Variants in CTNNA3 observed in about 807,000 individuals in gnomAD.
CTNNA3 encodes catenin alpha 3.
A neutral mutation model predicts 95.7 loss-of-function variants in CTNNA3; 76 were observed. The observed-to-expected ratio is 0.79, with a 90% CI of 0.66 to 0.96. The LOEUF is 0.96. Ranked by LOEUF, CTNNA3 falls within the 40% of genes least tolerant of loss-of-function variation. CTNNA3 has a pLI of 0.00. For synonymous variants in CTNNA3, 431 were observed against 374.4 expected, an observed-to-expected ratio of 1.15 and a Z score of -1.74; for missense variants, 1,191 against 1,089.8, an observed-to-expected ratio of 1.09 and a Z score of -1.31.
At position 66,444,683 on chromosome 10, in the gene CTNNA3, A is replaced by G. The variant is rs186319273; in HGVS notation, c.1532-65331T>C. ...AGAGCTCCTGAAGGAAGCACTAAAC[A>G]TGGAAAGCAACAACCGGTACCAGCC... On this transcript the variant is annotated intron_variant, in intron 11 of 17. Transcript: ENST00000433211. 4.9e-3 allele frequency among the ~76,000 whole-genome samples: 752 copies of G among 152,298 alleles called. 6 individuals carry two copies. Among genetic ancestry groups the G allele is most frequent in the African/African-American group, 0.012 (500 of 41,562 alleles).
At chr10:65,933,300 T>C (rs1476583189) in intron 17 of CTNNA3, among the ~76,000 whole-genome samples, 1 of 152,182 alleles carries the variant, frequency 6.6e-6, no homozygotes, top group Non-Finnish European at 1.5e-5. Flanking sequence ...ATAGTTCAAA[T>C]ATTGAAATTA....
At chr10:66,886,090 G>A (rs73325585) in intron 7 of CTNNA3, among the ~76,000 whole-genome samples, 4,483 of 152,188 alleles carry the variant, frequency 0.029, 117 homozygotes, top group African/African-American at 0.066. Flanking sequence ...AGAACCAAAG[G>A]AGAGAAGAGA....
chr10:66,454,741 C>A (rs561380048), intron 11 of CTNNA3, among the ~76,000 whole-genome samples: 4 of 138,826 alleles, frequency 2.9e-5, no homozygotes, highest in Non-Finnish European at 6.0e-5. Flanking sequence ...CAGCATTACA[C>A]TGATATCAAA....
At chr10:66,767,598 G>T (rs1839920977) in intron 8 of CTNNA3, among the ~76,000 whole-genome samples, 1 of 151,932 alleles carries the variant, frequency 6.6e-6, no homozygotes. Flanking sequence ...CTGTCAGACA[G>T]AAAAATGTAA....
intron 11 of CTNNA3, among the ~76,000 whole-genome samples, chr10:66,438,829 C>T (rs1021915732): frequency 5.9e-5 from 9 of 152,078 alleles, no homozygotes; most frequent in African/African-American, 2.2e-4. Context: ...AGTGTAGGCA[C>T]CCAAAGGAAT....
intron 12 of CTNNA3, among the ~76,000 whole-genome samples, chr10:66,358,904 T>C (rs954650670): frequency 6.6e-6 from 1 of 152,238 alleles, no homozygotes; most frequent in African/African-American, 2.4e-5. Flanking sequence ...AGTTGTATTA[T>C]GCTCTAATCT....
intron 17 of CTNNA3, among the ~76,000 whole-genome samples, chr10:65,938,936 T>G (rs1440059142): frequency 6.6e-6 from 1 of 151,922 alleles, no homozygotes; most frequent in Non-Finnish European, 1.5e-5. Context: ...GGAGTCTCGC[T>G]CTGTCGCCCA....
intron 13 of CTNNA3, among the ~76,000 whole-genome samples, chr10:66,222,723 AGG>A (rs1163987139): frequency 6.6e-6 from 1 of 150,650 alleles, no homozygotes; most frequent in Non-Finnish European, 1.5e-5. Context: ...AGAAGGGAGA[AGG>A]GGGAGAGAGA....
chr10:67,004,985 A>G (rs1851887481), intron 7 of CTNNA3, among the ~76,000 whole-genome samples: 1 of 152,168 alleles, frequency 6.6e-6, no homozygotes, highest in Non-Finnish European at 1.5e-5. Context: ...TGAATTTGTT[A>G]CTATTTACTC....
intron 6 of CTNNA3, among the ~76,000 whole-genome samples, chr10:67,211,913 T>C (rs1243743898): frequency 6.6e-6 from 1 of 152,114 alleles, no homozygotes; most frequent in Non-Finnish European, 1.5e-5. Context: ...ATGTGCTCTA[T>C]GAAGCAATTT....
intron 6 of CTNNA3, among the ~76,000 whole-genome samples, chr10:67,200,859 T>C (rs145348002): frequency 4.1e-4 from 62 of 152,324 alleles, no homozygotes; most frequent in African/African-American, 1.4e-3. Flanking sequence ...TATTAAGACT[T>C]AGAAATTCCT....
chr10:66,957,310 C>T (rs895731935), intron 7 of CTNNA3, among the ~76,000 whole-genome samples: 2 of 150,650 alleles, frequency 1.3e-5, no homozygotes, highest in Non-Finnish European at 3.0e-5. Context: ...TGAAAGAATA[C>T]ATTTATTCCA....
intron 5 of CTNNA3, among the ~76,000 whole-genome samples, chr10:67,284,793 C>T (rs1839531150): frequency 6.6e-6 from 1 of 152,116 alleles, no homozygotes; most frequent in Admixed American, 6.5e-5. Context: ...TTATAGCATT[C>T]CCAGTGGACA....
intron 12 of CTNNA3, among the ~76,000 whole-genome samples, chr10:66,296,793 G>A (rs773588621): frequency 6.6e-6 from 1 of 151,268 alleles, no homozygotes; most frequent in Non-Finnish European, 1.5e-5. Flanking sequence ...TTTACCCCCT[G>A]GCTTTAACAC....
intron 5 of CTNNA3, among the ~76,000 whole-genome samples, chr10:67,492,452 A>T (rs1838879956): frequency 6.6e-6 from 1 of 152,210 alleles, no homozygotes; most frequent in East Asian, 1.9e-4. Flanking sequence ...ACTCACTTGT[A>T]TACTTAACCT....
chr10:66,350,886 T>C (rs2132390326), intron 12 of CTNNA3, among the ~76,000 whole-genome samples: 1 of 152,102 alleles, frequency 6.6e-6, no homozygotes, highest in East Asian at 1.9e-4. Context: ...CTCCTCCAGA[T>C]CCTATGGGAA....
At chr10:66,151,955 G>A (rs1282133754) in intron 13 of CTNNA3, among the ~76,000 whole-genome samples, 1 of 151,800 alleles carries the variant, frequency 6.6e-6, no homozygotes, top group African/African-American at 2.4e-5. Flanking sequence ...AAATTTATGT[G>A]GCTACATTTC....
intron 11 of CTNNA3, among the ~76,000 whole-genome samples, chr10:66,428,862 A>G (rs2093268712): frequency 6.6e-6 from 1 of 152,008 alleles, no homozygotes; most frequent in East Asian, 1.9e-4. Context: ...GCAAGAGCAA[A>G]CACATTCAAA....
chr10:67,669,838 G>A (rs1840398028), intron 1 of CTNNA3, among the ~76,000 whole-genome samples: 1 of 152,162 alleles, frequency 6.6e-6, no homozygotes, highest in Non-Finnish European at 1.5e-5. Context: ...TGTCCACACA[G>A]CTTTATTTAG....
Sources: allele counts gnomAD v4.1 joint callset (sites outside exome capture counted in the v4.1 genomes callset), GRCh38; gene constraint gnomAD v4.1.1; transcripts MANE v1.5; gene names NCBI Gene and HGNC (gene_info 2026-07-23, HGNC 2026-07-21).